The following ATG13 variants were observed in gnomAD, a reference collection of about 807,000 sequenced individuals.
The protein encoded by ATG13 is autophagy related 13.
Under a neutral mutation model 65.5 loss-of-function variants are expected in ATG13, and 23 were observed. The ratio of observed to expected loss-of-function variants is 0.35; its 90% CI spans 0.25 to 0.50. The LOEUF is 0.50. Among genes scored for constraint, ATG13 ranks in the 20% least tolerant of loss-of-function variants. The pLI is 0.98. For synonymous variants in ATG13, 252 were observed against 245.2 expected (o/e 1.03, Z -0.26); for missense variants, 566 against 677.0 (o/e 0.84, Z 1.82).
At chr11:46,627,263 C>G (rs2050003079) in intron 1 of ATG13, among the ~76,000 whole-genome samples, 1 of 152,004 alleles carries the variant, frequency 6.6e-6, no homozygotes, top group African/African-American at 2.4e-5. Context: ...CCTGTAATTT[C>G]AGCTACTTGG....
chr11:46,642,306 T>TG (rs2056302480), intron 2 of ATG13, among the ~76,000 whole-genome samples: 3 of 84,716 alleles, frequency 3.5e-5, no homozygotes, highest in Admixed American at 2.3e-4. Context: ...TTTTGTGGGT[T>TG]TTTTTTTTTT....
chr11:46,628,961 G>T (rs1433925619), intron 1 of ATG13, among the ~76,000 whole-genome samples: 2 of 148,164 alleles, frequency 1.3e-5, no homozygotes, highest in South Asian at 4.2e-4. Flanking sequence ...TTTGGAGACG[G>T]AGTCTCACTG....
chr11:46,619,477 C>T (rs1331326119), intron 1 of ATG13, among the ~76,000 whole-genome samples: 2 of 148,536 alleles, frequency 1.3e-5, no homozygotes, highest in African/African-American at 2.5e-5. Context: ...CTCTGCCTCC[C>T]GGGTTCAAGC....
chr11:46,661,618 G>A (rs888315896), intron 11 of ATG13, among the ~76,000 whole-genome samples: 1 of 151,960 alleles, frequency 6.6e-6, no homozygotes, highest in Admixed American at 6.6e-5. Flanking sequence ...GATCGCCTGA[G>A]CCCAAGAGTT....
intron 11 of ATG13, chr11:46,659,816 T>TA (rs2060782025): frequency 5.2e-6 from 1 of 192,354 alleles, no homozygotes; most frequent in East Asian, 1.3e-4. Flanking sequence ...ACTTCTCTAT[T>TA]GAGTGGTAAA....
intron 2 of ATG13, among the ~76,000 whole-genome samples, chr11:46,639,767 CT>C (rs1411797375): frequency 6.6e-6 from 1 of 150,946 alleles, no homozygotes; most frequent in Non-Finnish European, 1.5e-5. Context: ...AAGCTATATT[CT>C]TACACTGGTT....
At chr11:46,662,855 A>C (rs1197345112) in intron 11 of ATG13, among the ~76,000 whole-genome samples, 3 of 152,208 alleles carry the variant, frequency 2.0e-5, no homozygotes, top group Non-Finnish European at 4.4e-5. Context: ...GGTTTTGCCA[A>C]CAGTATAAGG....
intron 3 of ATG13, among the ~76,000 whole-genome samples, chr11:46,644,968 A>G (rs1239721423): frequency 6.6e-6 from 1 of 152,176 alleles, no homozygotes; most frequent in Non-Finnish European, 1.5e-5. Context: ...TTTTAAATCT[A>G]CCATGGTGTT....
intron 8 of ATG13, chr11:46,656,829 T>G (rs2060133821): frequency 2.3e-6 from 1 of 435,462 alleles, no homozygotes; most frequent in African/African-American, 2.0e-5. Context: ...GAAGGTAGCT[T>G]TATCTATAAA....
rs984898154 is a variant in ATG13 at position 46,643,423 on chromosome 11, G to A, written c.-13-856G>A. ...TCAGCTGCGGGAGTCTATTTTATCT[G>A]CTGGCTCAGGACGTCCATTAACATT... On this transcript the variant is annotated intron_variant, in intron 2 of 18. Transcript: ENST00000683050. Among the ~76,000 whole-genome samples, 5 of 152,208 alleles carry A rather than the reference G, an allele frequency of 3.3e-5. No homozygotes were observed. The South Asian group carries it at 1.0e-3, about 32-fold the overall frequency.
rs1565530259 is a variant in ATG13 at position 46,650,258 on chromosome 11, G to A, written c.399G>A (p.Arg133=). Residue 133 remains arginine, a synonymous_variant, in exon 7 of 19, where the codon AGG becomes AGA. Transcript: ENST00000683050. ...TGAAGTCCCTTCTTGCTATAACTAG[G>A]GTGACACCAGCCTATAGGCTCTCCA... The part of the protein sequence containing the change: ...LLLKSLLAIT[R]VTPAYRLSRK... 14 of 1,613,986 alleles carry A rather than the reference G, an allele frequency of 8.7e-6. No homozygotes were observed. Among genetic ancestry groups the A allele is most frequent in the Non-Finnish European group, 9.3e-6 (11 of 1,180,012 alleles).
intron 3 of ATG13, 122 bp from the exon 4 acceptor site, chr11:46,645,217 C>G (rs954204025): frequency 2.1e-5 from 15 of 730,154 alleles, no homozygotes; most frequent in Non-Finnish European, 2.9e-5. Flanking sequence ...CCAAAGTATA[C>G]TTATGATTAA....
intron 15 of ATG13, 61 bp downstream of exon 15, chr11:46,667,948 G>A (rs2062750068): frequency 8.7e-6 from 12 of 1,371,768 alleles, no homozygotes; most frequent in Non-Finnish European, 1.1e-5. Context: ...AGGCCCCACA[G>A]GCAGTTTTCT....
chr11:46,646,196 T>G (rs1033340353), intron 5 of ATG13, among the ~76,000 whole-genome samples: 1 of 152,232 alleles, frequency 6.6e-6, no homozygotes, highest in Non-Finnish European at 1.5e-5. Context: ...TCGCCCAGGC[T>G]GGAGTGCAGT....
chr11:46,631,229 T>C (rs745693360), intron 2 of ATG13, among the ~76,000 whole-genome samples: 1 of 152,216 alleles, frequency 6.6e-6, no homozygotes, highest in African/African-American at 2.4e-5. Flanking sequence ...TCTCACTCTG[T>C]TACTTAAGTT....
At chr11:46,638,136 A>T (rs1024911279) in intron 2 of ATG13, among the ~76,000 whole-genome samples, 2 of 152,192 alleles carry the variant, frequency 1.3e-5, no homozygotes, top group African/African-American at 4.8e-5. Context: ...TGATGAGAAC[A>T]TTTAAAAACC....
chr11:46,653,348 A>G (rs949853785), intron 7 of ATG13, among the ~76,000 whole-genome samples: 6 of 150,832 alleles, frequency 4.0e-5, no homozygotes, highest in African/African-American at 1.2e-4. Context: ...TAATTTTTGT[A>G]TTTTAATTAG....
rs539926102 is a variant in ATG13 at position 46,641,352 on chromosome 11, G to A, written c.-13-2927G>A. Among the ~76,000 whole-genome samples, 4 of 152,314 alleles carry A rather than the reference G, an allele frequency of 2.6e-5. No individual in the cohort carries two copies. In the East Asian group the frequency reaches 7.7e-4, roughly 29 times the overall value. ...CCCAAAGTGGTGGGATTACAGGCGT[G>A]AGCCACTGTGCCCGGCCTAGAATTT... On this transcript the variant is annotated intron_variant, in intron 2 of 18. Transcript: ENST00000683050.
chr11:46,628,180 A>C (rs1239160733), intron 1 of ATG13, among the ~76,000 whole-genome samples: 1 of 151,966 alleles, frequency 6.6e-6, no homozygotes, highest in African/African-American at 2.4e-5. Flanking sequence ...AGGTGGGCAG[A>C]TCACCTGAGG....
Sources: allele counts gnomAD v4.1 joint callset (sites outside exome capture counted in the v4.1 genomes callset), GRCh38; gene constraint gnomAD v4.1.1; transcripts MANE v1.5; gene names NCBI Gene and HGNC (gene_info 2026-07-23, HGNC 2026-07-21).